Variants in NTRK2 observed in about 807,000 individuals in gnomAD.
NTRK2 encodes neurotrophic receptor tyrosine kinase 2.
Under a neutral mutation model 94.5 loss-of-function variants are expected in NTRK2, and 13 were observed. The observed-to-expected ratio is 0.14, with a 90% confidence interval of 0.09 to 0.22. NTRK2 has a LOEUF of 0.22. NTRK2 is among the 10% of genes least tolerant of loss of function. The pLI, the probability that NTRK2 is intolerant of heterozygous loss-of-function variation, is 1.00. For missense variants in NTRK2, 639 were observed against 1,071.2 expected (o/e 0.60, Z 5.63); for synonymous variants, 372 against 407.4 (o/e 0.91, Z 1.05).
chr9:84,706,530 T>TTTG lies in NTRK2; in HGVS notation c.360-1312_360-1311insGTT, dbSNP rs1554699597. The stretch of plus-strand genomic sequence containing the variant: ...ATGTGTGTTATTTTTTGTTTTTGTT[T>TTTG]TTTTTTTTTTTTTTTTTGAGACGGA... On this transcript the variant is annotated intron_variant, in intron 4 of 18. Coordinates refer to ENST00000277120, the MANE Select transcript of NTRK2 (RefSeq NM_006180.6). Among the ~76,000 whole-genome samples, 24 of 119,240 alleles carry TTTG rather than the reference T, an allele frequency of 2.0e-4. 1 individual carries two copies. Among genetic ancestry groups the TTTG allele is most frequent in the Non-Finnish European group, 3.2e-4 (18 of 56,588 alleles). 78.2% of individuals were successfully genotyped at this position (119,240 alleles called of 152,430 possible).
At chr9:84,859,967 G>C (rs1432987951) in intron 12 of NTRK2, among the ~76,000 whole-genome samples, 2 of 152,146 alleles carry the variant, frequency 1.3e-5, no homozygotes, top group East Asian at 3.8e-4. Context: ...TTAGAAGTTG[G>C]GGGGCTGAAG....
chr9:84,838,171 G>C (rs1451435310), intron 12 of NTRK2, among the ~76,000 whole-genome samples: 1 of 152,102 alleles, frequency 6.6e-6, no homozygotes. Context: ...CAATATAATG[G>C]CAAACGTGTC....
intron 17 of NTRK2, among the ~76,000 whole-genome samples, chr9:84,973,365 C>T (rs12001219): frequency 0.1 from 15,596 of 152,168 alleles, 1,063 homozygotes; most frequent in East Asian, 0.38. Flanking sequence ...CCCAAGGACA[C>T]ACTTGGCCAT....
At chr9:84,957,466 A>G (rs1424676576) in intron 17 of NTRK2, among the ~76,000 whole-genome samples, 1 of 152,242 alleles carries the variant, frequency 6.6e-6, no homozygotes. Context: ...ACATTTCTCC[A>G]AAGACAACAT....
At chr9:84,885,319 A>G (rs551834676) in intron 14 of NTRK2, among the ~76,000 whole-genome samples, 1 of 152,332 alleles carries the variant, frequency 6.6e-6, no homozygotes, top group East Asian at 1.9e-4. Flanking sequence ...ATCAAGTGCT[A>G]AATCACGAGA....
intron 14 of NTRK2, among the ~76,000 whole-genome samples, chr9:84,882,103 C>T (rs2076270751): frequency 6.6e-6 from 1 of 152,014 alleles, no homozygotes; most frequent in South Asian, 2.1e-4. Flanking sequence ...ACCTAGATAC[C>T]CAAACCCTAG....
intron 12 of NTRK2, among the ~76,000 whole-genome samples, chr9:84,763,226 G>C (rs1396045723): frequency 1.3e-5 from 2 of 152,034 alleles, no homozygotes; most frequent in African/African-American, 4.8e-5. Context: ...TCCAAGAAAG[G>C]GGTCCTCAGG....
chr9:84,728,063 A>G (rs920100517), intron 9 of NTRK2, 104 bp downstream of exon 9: 5 of 1,023,522 alleles, frequency 4.9e-6, no homozygotes, highest in Non-Finnish European at 7.5e-6. Context: ...TAGTGGCTTA[A>G]AACTCCATTA....
intron 17 of NTRK2, among the ~76,000 whole-genome samples, chr9:84,975,614 A>G (rs749634264): frequency 6.6e-6 from 1 of 152,222 alleles, no homozygotes; most frequent in African/African-American, 2.4e-5. Context: ...CGTTATTACC[A>G]GTGAACTAAG....
rs1292664958 is a variant in NTRK2, at chr9:84,948,582, C to T, written c.1885C>T (p.Leu629Phe). The T allele has an allele frequency of 2.5e-6, 4 of 1,614,018 alleles. No individual in the cohort carries two copies. The highest frequency in any genetic ancestry group is 3.4e-6 in the Non-Finnish European group (4 of 1,180,026). The change falls in exon 16 of 19, where the codon CTC (leucine) becomes TTC (phenylalanine). Residue 629 changes from leucine (L) to phenylalanine (F), a missense_variant. Transcript: ENST00000277120. ...TGGCGTCTGCGTGGAGGGCGACCCC[C>T]TCATCATGGTCTTTGAGTACATGAA... ...FYGVCVEGDP[L>F]IMVFEYMKHG...
intron 17 of NTRK2, among the ~76,000 whole-genome samples, chr9:84,992,642 C>A (rs1171665539): frequency 1.3e-5 from 2 of 152,144 alleles, no homozygotes; most frequent in Admixed American, 6.5e-5. Flanking sequence ...TTTCCACTCC[C>A]TGCCCAGCCC....
At chr9:84,991,447 A>G (rs1203980949) in intron 17 of NTRK2, among the ~76,000 whole-genome samples, 3 of 152,172 alleles carry the variant, frequency 2.0e-5, no homozygotes, top group Admixed American at 2.0e-4. Context: ...ATGCGAGTTT[A>G]TCTGTCCAGT....
At chr9:84,744,907 C>G in intron 10 of NTRK2, 66 bp from the exon 11 acceptor site, 1 of 1,061,668 alleles carries the variant, frequency 9.4e-7, no homozygotes, top group Non-Finnish European at 1.5e-6. Context: ...TTACTGTGGC[C>G]CTGTGTTTGT....
intron 13 of NTRK2, among the ~76,000 whole-genome samples, chr9:84,861,810 G>A (rs1271086574): frequency 2.6e-5 from 4 of 152,108 alleles, no homozygotes; most frequent in Admixed American, 6.6e-5. Context: ...TCCAAGATCC[G>A]ACCATCTTGG....
chr9:84,875,756 A>G lies in NTRK2; in HGVS notation c.1633+8325A>G, dbSNP rs186562756. 5.7e-6 allele frequency: 6 copies of G among 1,052,006 alleles called. No homozygotes were observed. In the East Asian group the frequency reaches 2.7e-4, roughly 47 times the overall value. 65.2% of individuals were successfully genotyped at this position (1,052,006 alleles called of 1,614,324 possible). On this transcript the variant is annotated intron_variant, in intron 14 of 18. Coordinates refer to ENST00000277120, the MANE Select transcript of NTRK2 (RefSeq NM_006180.6). ...CTGTCCAGTGATCCCCGGATCTTTC[A>G]TCATGAAAGCCTTCCTTCCTCTCCT...
chr9:84,703,640 A>T (rs1013382811), intron 4 of NTRK2, among the ~76,000 whole-genome samples: 3 of 152,166 alleles, frequency 2.0e-5, no homozygotes, highest in Non-Finnish European at 4.4e-5. Context: ...AAATTTGTTG[A>T]TATTATGGAA....
intron 2 of NTRK2, among the ~76,000 whole-genome samples, chr9:84,686,546 T>C (rs1352805361): frequency 6.6e-6 from 1 of 152,216 alleles, no homozygotes; most frequent in African/African-American, 2.4e-5. Context: ...GCAATTCTGG[T>C]GTGAGATTTC....
chr9:84,701,276 G>T (rs186536600), intron 2 of NTRK2, among the ~76,000 whole-genome samples: 1 of 152,202 alleles, frequency 6.6e-6, no homozygotes, highest in Non-Finnish European at 1.5e-5. Context: ...TCTTTCTGTG[G>T]ACTGACTTCA....
intron 12 of NTRK2, among the ~76,000 whole-genome samples, chr9:84,764,517 A>C (rs1330607795): frequency 1.3e-5 from 2 of 152,190 alleles, no homozygotes; most frequent in Non-Finnish European, 2.9e-5. Flanking sequence ...CCAGCTGCCT[A>C]CACTAGGGAG....
Sources: gnomAD v4.1 joint callset for allele counts (sites outside exome capture counted in the v4.1 genomes callset) on GRCh38, gnomAD v4.1.1 for gene constraint, MANE v1.5 for transcripts, NCBI Gene and HGNC (gene_info 2026-07-23, HGNC 2026-07-21) for gene names.